Variants in CROCC observed in about 807,000 individuals in gnomAD.
CROCC encodes the protein rootletin.
A neutral mutation model predicts 245.2 loss-of-function variants in CROCC; 180 were observed. The ratio of observed to expected loss-of-function variants is 0.73; its 90% CI spans 0.65 to 0.83. The LOEUF is 0.83. Among genes scored for constraint, CROCC ranks in the 40% least tolerant of loss-of-function variants. The probability of loss-of-function intolerance (pLI) is 0.00; values close to 1 mark genes in which losing one functional copy is unlikely to be tolerated. For synonymous variants in CROCC, 1,205 were observed against 1,241.6 expected, an observed-to-expected ratio of 0.97 and a Z score of 0.62; for missense variants, 2,688 against 2,779.4, an observed-to-expected ratio of 0.97 and a Z score of 0.74.
Position 16,944,201 on chromosome 1 carries a change from G to C in CROCC, c.1910G>C (p.Arg637Pro), listed in dbSNP as rs201410489. 1 of 1,555,226 alleles carries C rather than the reference G, an allele frequency of 6.4e-7. No individual in the cohort carries two copies. The highest frequency in any genetic ancestry group is 8.7e-7 in the Non-Finnish European group (1 of 1,149,400). Reference sequence around the variant, plus strand: ...CTGCAGGCTGCCCAGGAGGAGCTGCGGCGCCAGCGGGACCGGCTGGAGGAA... The same window carrying C: ...CTGCAGGCTGCCCAGGAGGAGCTGCCGCGCCAGCGGGACCGGCTGGAGGAA... The part of the protein sequence containing the change: ...EKLQAAQEEL[R>P]RQRDRLEEEQ... Residue 637 changes from arginine to proline, a missense_variant, in exon 14 of 37, where the codon CGG becomes CCG. Transcript: ENST00000375541.
chr1:16,946,368 C>T lies in CROCC; in HGVS notation c.2246C>T (p.Ala749Val), dbSNP rs757760286. The T allele has an allele frequency of 2.5e-6, 4 of 1,613,066 alleles. No homozygotes were observed. In the Admixed American group the frequency reaches 5.0e-5, roughly 20 times the overall value. Residue 749 changes from alanine (A) to valine (V), a missense_variant, in exon 16 of 37, where the codon GCT becomes GTT. Ala to Val is a moderately conservative substitution (Grantham distance 64, BLOSUM62 0). Transcript: ENST00000375541. ...CTGAGCGCCCTCAACGAGAGCCTTGCTCAGGACAAGTTGGATCTGAACCGC... is the reference window on the plus strand; with the variant it reads ...CTGAGCGCCCTCAACGAGAGCCTTGTTCAGGACAAGTTGGATCTGAACCGC... The part of the protein sequence containing the change: ...SKLSALNESL[A>V]QDKLDLNRLV...
Position 16,970,367 on chromosome 1 carries a change from C to T in CROCC, c.5566C>T (p.Gln1856Ter). Residue 1856 changes from glutamine (Q) to a stop codon, truncating the protein, a stop_gained, in exon 34 of 37, where the codon CAG becomes TAG. Transcript: ENST00000375541. LOFTEE classifies it high-confidence loss of function. ...GGGAAGCCTGCAGCGCGCCCTGGCT[C>T]AGCTGGAAGCTGAGAAGCGGGAGGT... ...RLGSLQRALA[Q>*]LEAEKREVER... 6.3e-7 allele frequency: 1 copy of T among 1,599,880 alleles called. No individual in the cohort carries two copies. The highest frequency in any genetic ancestry group is 8.5e-7 in the Non-Finnish European group (1 of 1,174,094).
At chr1:16,955,669 G>A in intron 24 of CROCC, 119 bp downstream of exon 24, 1 of 958,714 alleles carries the variant, frequency 1.0e-6, no homozygotes, top group Non-Finnish European at 1.5e-6. Context: ...CTCCTAAGCA[G>A]AGCCTGGCAC....
chr1:16,930,103 C>A (rs2075633514), intron 4 of CROCC, 21 bp from the exon 5 acceptor site: 1 of 1,581,698 alleles, frequency 6.3e-7, no homozygotes, highest in East Asian at 2.3e-5. Context: ...CTGGGGCTCA[C>A]CATCAGCTCC....
chr1:16,947,115 C>T lies in CROCC; in HGVS notation c.2514+124C>T, dbSNP rs2100464785. The T allele has an allele frequency of 3.3e-6, 3 of 921,866 alleles. No homozygotes were observed. In the East Asian group the frequency reaches 7.9e-5, roughly 24 times the overall value. The allele number at this position is 921,866 out of a possible 1,614,324, so 57.1% of individuals were successfully genotyped here. On this transcript the variant is annotated intron_variant, in intron 17 of 36. Transcript: ENST00000375541. ...GAGCCTGCTTCTGGGTTAAATCCAG[C>T]CCCACTTCTGCTAGCTGGGGACCTT... is the stretch of plus-strand genomic sequence containing the variant.
chr1:16,915,563 C>G (rs1255778231), intron 1 of CROCC, among the ~76,000 whole-genome samples: 2 of 152,132 alleles, frequency 1.3e-5, no homozygotes, highest in East Asian at 3.9e-4. Context: ...TCCCTTAAGC[C>G]CAGGAGGTCA....
upstream of CROCC, among the ~76,000 whole-genome samples, chr1:16,919,181 T>A (rs1452755641): frequency 6.6e-6 from 1 of 152,286 alleles, no homozygotes; most frequent in Non-Finnish European, 1.5e-5. Flanking sequence ...CTGATGAGCA[T>A]TTATACAGCA....
Position 16,954,888 on chromosome 1 carries a change from G to GC in CROCC, c.3465+17dup, listed in dbSNP as rs1324012044. On this transcript the variant is annotated intron_variant, in intron 23 of 36. Coordinates refer to ENST00000375541, the MANE Select transcript of CROCC (RefSeq NM_014675.5). The surrounding 1 kb of genome is among the most constrained non-coding windows in gnomAD (Gnocchi z 4.4). ...TCCTGTCTTCGCGAGGTGAGCAGCC[G>GC]CCCCCCTCTTCCAAGCAGCATACCC... The GC allele has an allele frequency of 6.6e-7, 1 of 1,516,902 alleles. No homozygotes were observed. Among genetic ancestry groups the GC allele is most frequent in the East Asian group, 2.5e-5 (1 of 40,364 alleles). 94.0% of individuals were successfully genotyped at this position (1,516,902 alleles called of 1,614,324 possible). A position where few individuals can be genotyped will look rare whatever the true frequency, so the allele number is the denominator to read the frequency against.
intron 12 of CROCC, 58 bp downstream of exon 12, chr1:16,939,200 C>T: frequency 1.1e-6 from 1 of 887,478 alleles, no homozygotes; most frequent in Non-Finnish European, 1.5e-6. Flanking sequence ...GGGGCTCGCG[C>T]CCTCCGGGTG....
intron 3 of CROCC, among the ~76,000 whole-genome samples, chr1:16,927,203 T>C (rs2075553795): frequency 6.6e-6 from 1 of 152,328 alleles, no homozygotes; most frequent in South Asian, 2.1e-4. Flanking sequence ...ATATGCACAG[T>C]GTTAGCCGCA....
chr1:16,970,620 T>TGGCTCTCCTGC lies in CROCC; in HGVS notation c.5653-15_5653-5dup. The TGGCTCTCCTGC allele has an allele frequency of 6.6e-7, 1 of 1,525,860 alleles. No homozygotes were observed. Among genetic ancestry groups the TGGCTCTCCTGC allele is most frequent in the South Asian group, 1.3e-5 (1 of 77,046 alleles). The allele number at this position is 1,525,860 out of a possible 1,614,324, so 94.5% of individuals were successfully genotyped here. On this transcript the variant is annotated splice_polypyrimidine_tract_variant and intron_variant, in intron 34 of 36. Coordinates refer to ENST00000375541, the MANE Select transcript of CROCC (RefSeq NM_014675.5). ...CTCCTCCTGGCACCCTGATCTCCTG[T>TGGCTCTCCTGC]GGCTCTCCTGCCTAGGTGGAGCGGG...
Position 16,972,606 on chromosome 1 carries a change from C to G in CROCC, c.*160C>G. The G allele has an allele frequency of 3.6e-6, 2 of 555,350 alleles. No homozygotes were observed. The highest frequency in any genetic ancestry group is 5.1e-5 in the South Asian group (2 of 39,428). 34.4% of individuals were successfully genotyped at this position (555,350 alleles called of 1,614,324 possible). A position where few individuals can be genotyped will look rare whatever the true frequency, so the allele number is the denominator to read the frequency against. ...AGTGCTGAGGACGGGTACTCCAGCT[C>G]CAGGCCTGGAGAGGCTTCCCAGCAA... On this transcript the variant is annotated 3_prime_UTR_variant, in exon 37 of 37. Transcript: ENST00000375541.
chr1:16,956,999 C>T (rs1227818132), intron 25 of CROCC, among the ~76,000 whole-genome samples: 1 of 152,198 alleles, frequency 6.6e-6, no homozygotes, highest in Admixed American at 6.5e-5. Context: ...AGGCCAGGCG[C>T]AGTGGCTCAC....
chr1:16,933,003 G>C (rs1004189745), intron 8 of CROCC, among the ~76,000 whole-genome samples: 1 of 152,242 alleles, frequency 6.6e-6, no homozygotes, highest in African/African-American at 2.4e-5. Flanking sequence ...TAGAGTCGAG[G>C]TCTCACTTTG....
chr1:16,929,456 T>C (rs7539401), intron 3 of CROCC, among the ~76,000 whole-genome samples: 10,192 of 150,640 alleles, frequency 0.068, 102 homozygotes, highest in African/African-American at 0.14. Flanking sequence ...TGAGCTCACA[T>C]TGGGGTCGGG....
At chr1:16,936,544 T>G in intron 8 of CROCC, 93 bp from the exon 9 acceptor site, 1 of 1,290,198 alleles carries the variant, frequency 7.8e-7, no homozygotes, top group Middle Eastern at 1.9e-4. Flanking sequence ...GCTGGGATTA[T>G]AGGTGTGAGC....
chr1:16,941,365 CA>C (rs1348264869), intron 13 of CROCC: 2 of 152,394 alleles, frequency 1.3e-5, no homozygotes, highest in East Asian at 3.8e-4. Context: ...GCAGAGGTTG[CA>C]ATGAGCCAGG....
Position 16,939,097 on chromosome 1 carries a change from C to T in CROCC, c.1563C>T (p.Leu521=), listed in dbSNP as rs761889666. Residue 521 remains leucine (L), a synonymous_variant, in exon 12 of 37, where the codon CTC becomes CTT. Coordinates refer to ENST00000375541, the MANE Select transcript of CROCC (RefSeq NM_014675.5). ...PSPACSDSST[L]ALIHSALHKR... ...CGGCCTGCTCAGACTCCTCCACGCT[C>T]GCCCTGATCCACTCCGCCCTGCACA... The T allele has an allele frequency of 2.7e-5, 43 of 1,574,332 alleles. No individual in the cohort carries two copies. The highest frequency in any genetic ancestry group is 9.4e-5 in the Admixed American group (5 of 53,358).
In CROCC at chr1:16,969,097, C is replaced by T; in HGVS notation, c.5077-19C>T. 1.9e-6 allele frequency: 3 copies of T among 1,581,626 alleles called. No homozygotes were observed. The highest frequency in any genetic ancestry group is 2.6e-6 in the Non-Finnish European group (3 of 1,163,968). ...CCAGATGGGAACAGCCCCGATTGTT[C>T]TGGCTGTCCTCCTGCCAGGTGGCCG... On this transcript the variant is annotated intron_variant, in intron 31 of 36. Transcript: ENST00000375541.
Sources: gnomAD v4.1 joint callset for allele counts (sites outside exome capture counted in the v4.1 genomes callset) on GRCh38, gnomAD v4.1.1 for gene constraint, Gnocchi (gnomAD v3.1) non-coding constraint, MANE v1.5 for transcripts, NCBI Gene and HGNC (gene_info 2026-07-23, HGNC 2026-07-21) for gene names.